PCNX2: variants seen among roughly 807,000 people sequenced by gnomAD.
The protein encoded by PCNX2 is pecanex 2, also known as pecanex-like protein 2.
PCNX2 carries 168 observed loss-of-function variants against 223.8 expected under a neutral mutation model. The ratio of observed to expected loss-of-function variants is 0.75; its 90% confidence interval spans 0.66 to 0.85. The LOEUF (loss-of-function observed/expected upper bound fraction) is 0.85. PCNX2 is among the 40% of genes least tolerant of loss of function. The probability of loss-of-function intolerance (pLI) is 0.00; values close to 1 mark genes in which losing one functional copy is unlikely to be tolerated. For missense variants in PCNX2, 2,507 were observed against 2,675.5 expected (o/e 0.94, Z 1.39); for synonymous variants, 1,006 against 1,052.6 (o/e 0.96, Z 0.86).
the PCNX2 span, among the ~76,000 whole-genome samples, chr1:233,304,298 A>G: frequency 5.3e-5 from 8 of 152,180 alleles, no homozygotes; most frequent in Non-Finnish European, 1.2e-4. Context: ...ATTATTTATA[A>G]TGATATGAGG....
intron 8 of PCNX2, chr1:233,241,046 TAGAG>T: frequency 9.1e-6 from 5 of 546,720 alleles, no homozygotes; most frequent in Non-Finnish European, 9.3e-6. Context: ...ACAAGGCGCA[TAGAG>T]GGACACAGAA....
chr1:233,208,405 G>A (rs7523507), intron 13 of PCNX2, 113 bp downstream of exon 13: 35,547 of 1,181,940 alleles, frequency 0.03, 1,366 homozygotes, highest in African/African-American at 0.17. Flanking sequence ...CAAGAGGAAA[G>A]TGCACATCTC....
In PCNX2 at chr1:233,235,957, A is replaced by AAAAAATATATATAT. The variant is rs369886650; in HGVS notation, c.2358+887_2358+888insATATATATATTTTT. 8.7e-4 allele frequency among the ~76,000 whole-genome samples: 81 copies of AAAAAATATATATAT among 93,096 alleles called. 1 individual carries two copies. Among genetic ancestry groups the AAAAAATATATATAT allele is most frequent in the Middle Eastern group, 7.9e-3 (1 of 126 alleles). The allele number at this position is 93,096 out of a possible 152,430, so 61.1% of individuals were successfully genotyped here. ...ATGTGGCAAAGCAATCATAAAAAAA[A>AAAAAATATATATAT]ATATATATATATATATATATATATA... On this transcript the variant is annotated intron_variant, in intron 9 of 33. Coordinates refer to ENST00000258229, the MANE Select transcript of PCNX2 (RefSeq NM_014801.4).
At chr1:233,078,668 G>C (rs571223340) in intron 23 of PCNX2, among the ~76,000 whole-genome samples, 2 of 152,308 alleles carry the variant, frequency 1.3e-5, no homozygotes, top group East Asian at 3.9e-4. Flanking sequence ...CTGGGAAGCA[G>C]CTGGCACGTT....
chr1:233,078,233 G>GTGGAGTGTCCTGTGACAGTCACT (rs1300549357), intron 23 of PCNX2, among the ~76,000 whole-genome samples: 2 of 152,172 alleles, frequency 1.3e-5, no homozygotes, highest in Non-Finnish European at 2.9e-5. Context: ...AGAACACACC[G>GTGGAGTGTCCTGTGACAGTCACT]TGGAGTGTCC....
Position 233,200,225 on chromosome 1 carries a change from A to G in PCNX2, c.2903T>C (p.Leu968Pro). Reference protein sequence around the residue: ...YCFPAISLLGLFPQINTFCTY... With the variant: ...YCFPAISLLGPFPQINTFCTY... Reference sequence around the variant, plus strand: ...GCAGAAAGTGTTGATTTGCGGGAAGAGCCCAAGGAGGGAAATAGCAGGGAA... The same window carrying G: ...GCAGAAAGTGTTGATTTGCGGGAAGGGCCCAAGGAGGGAAATAGCAGGGAA... The change falls in exon 14 of 34, where the codon CTC becomes CCC. Residue 968 changes from leucine (L) to proline (P), a missense_variant. Physicochemically the swap from Leu to Pro is moderately conservative, Grantham distance 98. Around this residue, in one of 3 missense-constraint regions of PCNX2, gnomAD observed 1,372 missense variants for 1,509.4 expected, o/e 0.91. Coordinates refer to ENST00000258229, the MANE Select transcript of PCNX2 (RefSeq NM_014801.4). 1 of 1,591,408 alleles carries G rather than the reference A, an allele frequency of 6.3e-7. No homozygotes were observed. The highest frequency in any genetic ancestry group is 8.6e-7 in the Non-Finnish European group (1 of 1,168,390).
intron 19 of PCNX2, among the ~76,000 whole-genome samples, chr1:233,154,748 T>C (rs1300792744): frequency 6.6e-6 from 1 of 152,204 alleles, no homozygotes; most frequent in Non-Finnish European, 1.5e-5. Context: ...AGCCTTTTAC[T>C]TCTTTCTTTT....
In PCNX2 at chr1:233,225,138, AT is replaced by A. The variant is rs199863304; in HGVS notation, c.2504+2087del. ...AAAAAAAAAAAAAAAAAAAAAAAAAATGTTATGTTACCTATGAACTAACAGT... is the reference window on the plus strand; with the variant it reads ...AAAAAAAAAAAAAAAAAAAAAAAAAAGTTATGTTACCTATGAACTAACAGT... On this transcript the variant is annotated intron_variant, in intron 10 of 33. Coordinates refer to ENST00000258229, the MANE Select transcript of PCNX2 (RefSeq NM_014801.4). Among the ~76,000 whole-genome samples the A allele has an allele frequency of 6.0e-3, 818 of 135,390 alleles. 33 individuals carry two copies. The highest frequency in any genetic ancestry group is 0.024 in the African/African-American group (774 of 32,924). 88.8% of individuals were successfully genotyped at this position (135,390 alleles called of 152,430 possible). A position where few individuals can be genotyped will look rare whatever the true frequency, so the allele number is the denominator to read the frequency against.
At chr1:233,237,043 TAC>T in intron 8 of PCNX2, 63 bp from the exon 9 acceptor site, 1 of 1,597,744 alleles carries the variant, frequency 6.3e-7, no homozygotes, top group Non-Finnish European at 8.5e-7. Flanking sequence ...CTATTTATTA[TAC>T]ACAAACACAA....
At chr1:233,270,247 G>A (rs1419241794) in intron 1 of PCNX2, among the ~76,000 whole-genome samples, 1 of 152,156 alleles carries the variant, frequency 6.6e-6, no homozygotes, top group Non-Finnish European at 1.5e-5. Context: ...TATATGTGAA[G>A]GGAGTTACAA....
chr1:233,035,698 T>C (rs909845415), intron 25 of PCNX2, among the ~76,000 whole-genome samples: 34 of 152,222 alleles, frequency 2.2e-4, no homozygotes, highest in African/African-American at 8.0e-4. Flanking sequence ...GTTGGATTAT[T>C]AGAAAATGTA....
chr1:233,302,501 CTTCT>C, the PCNX2 span, among the ~76,000 whole-genome samples: 6 of 151,830 alleles, frequency 4.0e-5, no homozygotes, highest in South Asian at 2.1e-4. Flanking sequence ...GCTTTTTCAT[CTTCT>C]TTATCAAATG....
chr1:233,198,734 GGT>G (rs1024702017), intron 15 of PCNX2, among the ~76,000 whole-genome samples: 6 of 152,206 alleles, frequency 3.9e-5, no homozygotes, highest in Non-Finnish European at 8.8e-5. Flanking sequence ...CAGGCCAGGA[GGT>G]GGGGGGCCTT....
chr1:233,271,001 G>A (rs764134254), intron 1 of PCNX2, among the ~76,000 whole-genome samples: 1 of 152,168 alleles, frequency 6.6e-6, no homozygotes, highest in Non-Finnish European at 1.5e-5. Flanking sequence ...GGATAACTTA[G>A]TAAATGAATG....
At position 233,291,600 on chromosome 1, in the gene PCNX2, C is replaced by T; in HGVS notation, c.153+3726G>A. The T allele has an allele frequency of 4.7e-6, 4 of 848,144 alleles. No individual in the cohort carries two copies. The South Asian group carries it at 2.2e-4, about 46-fold the overall frequency. 52.5% of individuals were successfully genotyped at this position (848,144 alleles called of 1,614,324 possible). On this transcript the variant is annotated intron_variant, in intron 1 of 33. Coordinates refer to ENST00000258229, the MANE Select transcript of PCNX2 (RefSeq NM_014801.4). ...TCCAGCCTGGGCAACAACAGCGAAA[C>T]TCTGTCTCAAAAAAAAAAAAAAAAA...
chr1:233,314,903 A>G, the PCNX2 span, among the ~76,000 whole-genome samples: 49 of 152,220 alleles, frequency 3.2e-4, no homozygotes, highest in Admixed American at 1.6e-3. Flanking sequence ...GAAGACTTCA[A>G]ATGACCCTGT....
At chr1:233,226,490 G>C (rs756158748) in intron 10 of PCNX2, among the ~76,000 whole-genome samples, 1 of 152,208 alleles carries the variant, frequency 6.6e-6, no homozygotes, top group Non-Finnish European at 1.5e-5. Flanking sequence ...GGCTGGTCTT[G>C]AACTCCTGAC....
intron 21 of PCNX2, among the ~76,000 whole-genome samples, chr1:233,134,085 GACTT>G (rs1676666594): frequency 6.6e-6 from 1 of 152,090 alleles, no homozygotes; most frequent in African/African-American, 2.4e-5. Context: ...AATTTAGAAA[GACTT>G]ACAATTAAAA....
chr1:233,055,092 C>T (rs974526927), intron 24 of PCNX2, among the ~76,000 whole-genome samples: 4 of 152,132 alleles, frequency 2.6e-5, no homozygotes, highest in African/African-American at 4.8e-5. Context: ...GGGTTGTTTC[C>T]AGTTTTGGTG....
Sources: allele counts gnomAD v4.1 joint callset (sites outside exome capture counted in the v4.1 genomes callset), GRCh38; gene constraint gnomAD v4.1.1; regional missense constraint gnomAD v4.1.1; transcripts MANE v1.5; gene names NCBI Gene and HGNC (gene_info 2026-07-23, HGNC 2026-07-21).